The following OVOL1 variants were observed in gnomAD, a reference collection of about 807,000 sequenced individuals.
OVOL1 encodes ovo like transcriptional repressor 1, also known as putative transcription factor Ovo-like 1.
Under a neutral mutation model 21.5 loss-of-function variants are expected in OVOL1, and 10 were observed. The ratio of observed to expected loss-of-function variants is 0.46; its 90% CI spans 0.29 to 0.79. OVOL1 has a LOEUF of 0.79. Ranked by LOEUF, OVOL1 falls within the 30% of genes least tolerant of loss-of-function variation. The pLI, the probability that OVOL1 is intolerant of heterozygous loss-of-function variation, is 0.10. For missense variants in OVOL1, 279 were observed against 362.3 expected (o/e 0.77, Z 1.87); for synonymous variants, 129 against 150.3 (o/e 0.86, Z 1.03).
intron 1 of OVOL1, chr11:65,788,963 GCTCCGCC>G (rs1304185942): frequency 1.2e-5 from 12 of 985,732 alleles, no homozygotes; most frequent in South Asian, 4.7e-5. Flanking sequence ...CCCCCTCCCC[GCTCCGCC>G]CTCCGCCCTC....
chr11:65,788,585 G>GC (rs953084559), intron 1 of OVOL1: 2 of 984,974 alleles, frequency 2.0e-6, no homozygotes, highest in African/African-American at 1.7e-5. Flanking sequence ...GCAGTGAGGG[G>GC]CCCCGTGAGG....
chr11:65,792,674 C>T (rs965609598), intron 1 of OVOL1, among the ~76,000 whole-genome samples: 1 of 152,234 alleles, frequency 6.6e-6, no homozygotes, highest in African/African-American at 2.4e-5. Context: ...TAAAGGCCCC[C>T]GGACAGACGG....
chr11:65,787,184 G>C lies in OVOL1; in HGVS notation c.-190G>C. 2.1e-6 allele frequency: 1 copy of C among 477,676 alleles called. No homozygotes were observed. The highest frequency in any genetic ancestry group is 3.9e-6 in the Non-Finnish European group (1 of 255,792). 29.6% of individuals were successfully genotyped at this position (477,676 alleles called of 1,614,324 possible). A position where few individuals can be genotyped will look rare whatever the true frequency, so the allele number is the denominator to read the frequency against. On this transcript the variant is annotated 5_prime_UTR_variant, in exon 1 of 4. Transcript: ENST00000335987. ...AGGGACCTCGTTCTCAGGGAAGACG[G>C]CGACATTCCGCGGAGGTGGAACCGC...
rs756846217 is a variant in OVOL1, at chr11:65,794,207, C to G, written c.277C>G (p.Pro93Ala). 1 of 1,613,316 alleles carries G rather than the reference C, an allele frequency of 6.2e-7. No homozygotes were observed. The highest frequency in any genetic ancestry group is 1.3e-5 in the African/African-American group (1 of 74,928). ...PSEDMGHLTD[P>A]QSRDHGFLRT... ...TGAAGACATGGGCCACTTGACAGAC[C>G]CCCAGAGCAGAGACCATGGCTTCCT... Residue 93 changes from proline to alanine, a missense_variant, in exon 2 of 4, where the codon CCC becomes GCC. Coordinates refer to ENST00000335987, the MANE Select transcript of OVOL1 (RefSeq NM_004561.4).
At chr11:65,789,708 G>T in intron 1 of OVOL1, 3 of 985,286 alleles carry the variant, frequency 3.0e-6, no homozygotes, top group Non-Finnish European at 3.6e-6. Context: ...GTTGTGACCA[G>T]CTAAGCGTTG....
chr11:65,787,690 G>A (rs1473084999), intron 1 of OVOL1, among the ~76,000 whole-genome samples: 1 of 151,728 alleles, frequency 6.6e-6, no homozygotes, highest in Non-Finnish European at 1.5e-5. Flanking sequence ...CGGGGCGGGG[G>A]CTGCATGGTG....
intron 1 of OVOL1, among the ~76,000 whole-genome samples, chr11:65,787,886 G>T (rs1020891793): frequency 6.6e-6 from 1 of 152,230 alleles, no homozygotes; most frequent in Admixed American, 6.5e-5. Context: ...ACTTTGGGGG[G>T]CGGGGAGCGG....
chr11:65,793,810 C>T (rs1408194371), intron 1 of OVOL1: 1 of 590,270 alleles, frequency 1.7e-6, no homozygotes, highest in East Asian at 2.8e-5. Flanking sequence ...ACAAATTACT[C>T]AGCGGGCAGT....
At chr11:65,794,906 C>T (rs1391611270) in intron 3 of OVOL1, 140 bp from the exon 4 acceptor site, 8 of 1,000,392 alleles carry the variant, frequency 8.0e-6, no homozygotes, top group South Asian at 3.1e-5. Context: ...GAGAGTCACT[C>T]GGGAAGTTGG....
At chr11:65,791,123 GA>G (rs1316737054) in intron 1 of OVOL1, among the ~76,000 whole-genome samples, 1 of 152,220 alleles carries the variant, frequency 6.6e-6, no homozygotes, top group Admixed American at 6.5e-5. Context: ...GGGAAAGAGG[GA>G]AAATACACTG....
chr11:65,794,089 A>T lies in OVOL1; in HGVS notation c.159A>T (p.Glu53Asp). The T allele has an allele frequency of 3.1e-6, 5 of 1,613,660 alleles. No individual in the cohort carries two copies. The highest frequency in any genetic ancestry group is 4.2e-6 in the Non-Finnish European group (5 of 1,179,956). Residue 53 changes from glutamate (E) to aspartate (D), a missense_variant, in exon 2 of 4, where the codon GAA becomes GAT. Coordinates refer to ENST00000335987, the MANE Select transcript of OVOL1 (RefSeq NM_004561.4). ...PYREPEPSVA[E>D]PPSCPLALNM... The stretch of plus-strand genomic sequence containing the variant: ...GGGAGCCGGAACCCTCTGTGGCCGA[A>T]CCCCCTTCCTGCCCGCTGGCTTTGA...
At position 65,795,356 on chromosome 11, in the gene OVOL1, G is replaced by A; in HGVS notation, c.*15G>A. The A allele has an allele frequency of 6.4e-7, 1 of 1,564,104 alleles. No homozygotes were observed. The highest frequency in any genetic ancestry group is 8.6e-7 in the Non-Finnish European group (1 of 1,158,516). ...CCCACCTGTGAGTGGCTCGAGCCCTGGGGGTGCTCCTGGAAGCCCCAAGAG... is the reference window on the plus strand; with the variant it reads ...CCCACCTGTGAGTGGCTCGAGCCCTAGGGGTGCTCCTGGAAGCCCCAAGAG... On this transcript the variant is annotated 3_prime_UTR_variant, in exon 4 of 4. Transcript: ENST00000335987. This position sits in a 1 kb window ranked among gnomAD's most constrained non-coding sequence, Gnocchi z 5.7.
intron 1 of OVOL1, among the ~76,000 whole-genome samples, chr11:65,791,425 A>C (rs1211560479): frequency 6.6e-6 from 1 of 152,214 alleles, no homozygotes; most frequent in Non-Finnish European, 1.5e-5. Context: ...AGTGGGGCCC[A>C]GGAGGGGGTC....
chr11:65,788,644 G>C, intron 1 of OVOL1: 1 of 985,444 alleles, frequency 1.0e-6, no homozygotes. Flanking sequence ...ACAGTGTCCT[G>C]GTGAGGTCTT....
chr11:65,787,312 G>T lies in OVOL1; in HGVS notation c.-62G>T. 5 of 1,397,092 alleles carry T rather than the reference G, an allele frequency of 3.6e-6. No homozygotes were observed. The highest frequency in any genetic ancestry group is 4.9e-6 in the Non-Finnish European group (5 of 1,015,250). 86.5% of individuals were successfully genotyped at this position (1,397,092 alleles called of 1,614,324 possible). ...CCGGCGTTCAGCCCGGCCCCGCAAA[G>T]GTGGGACGGCTCCCGGCTTCAGTTA... is the stretch of plus-strand genomic sequence containing the variant. On this transcript the variant is annotated 5_prime_UTR_variant, in exon 1 of 4. The change creates a new upstream start codon in the 5' untranslated region. Coordinates refer to ENST00000335987, the MANE Select transcript of OVOL1 (RefSeq NM_004561.4).
At chr11:65,793,776 C>T (rs377008219) in intron 1 of OVOL1, 18 of 560,236 alleles carry the variant, frequency 3.2e-5, no homozygotes, top group Admixed American at 6.3e-5. Context: ...CAGGGCAGTT[C>T]GGTCCTCCCA....
At chr11:65,793,946 C>A in intron 1 of OVOL1, 85 bp from the exon 2 acceptor site, 2 of 1,070,418 alleles carry the variant, frequency 1.9e-6, no homozygotes, top group South Asian at 1.4e-5. Context: ...CAGGTTCCAG[C>A]CGTCTCATGG....
intron 1 of OVOL1, among the ~76,000 whole-genome samples, chr11:65,793,156 GTGTCCCTCGAGAGTGCTC>G (rs1293882389): frequency 1.3e-5 from 2 of 152,356 alleles, no homozygotes; most frequent in African/African-American, 2.4e-5. Flanking sequence ...TTGCCTGTCT[GTGTCCCTCGAGAGTGCTC>G]TCTTTCTGGT....
intron 1 of OVOL1, among the ~76,000 whole-genome samples, chr11:65,793,285 C>A (rs1289755091): frequency 6.6e-6 from 1 of 152,206 alleles, no homozygotes; most frequent in Non-Finnish European, 1.5e-5. Flanking sequence ...CAAGGGCTGC[C>A]AGGTATCGGT....
Sources: allele counts gnomAD v4.1 joint callset (sites outside exome capture counted in the v4.1 genomes callset), GRCh38; gene constraint gnomAD v4.1.1; non-coding constraint Gnocchi (gnomAD v3.1); transcripts MANE v1.5; gene names NCBI Gene and HGNC (gene_info 2026-07-23, HGNC 2026-07-21).